The following HTR7 variants were observed in gnomAD, a reference collection of about 807,000 sequenced individuals.
HTR7 encodes the protein 5-HT-7.
Under a neutral mutation model 34.0 loss-of-function variants are expected in HTR7, and 16 were observed. That is an observed-to-expected ratio of 0.47 (90% confidence interval 0.32 to 0.71). The LOEUF (loss-of-function observed/expected upper bound fraction) is 0.71. Among genes scored for constraint, HTR7 ranks in the 30% least tolerant of loss-of-function variants. The pLI is 0.04. For synonymous variants in HTR7, 265 were observed against 260.2 expected (o/e 1.02, Z -0.18); for missense variants, 504 against 625.5 (o/e 0.81, Z 2.07).
intron 1 of HTR7, among the ~76,000 whole-genome samples, chr10:90,842,717 G>GAAAA (rs77219212): frequency 7.0e-6 from 1 of 142,692 alleles, no homozygotes; most frequent in African/African-American, 2.6e-5. Flanking sequence ...TTTATTTAGT[G>GAAAA]AAAAAAAAAA....
At chr10:90,774,796 T>C (rs1394798026) in intron 1 of HTR7, among the ~76,000 whole-genome samples, 1 of 152,220 alleles carries the variant, frequency 6.6e-6, no homozygotes, top group Non-Finnish European at 1.5e-5. Context: ...CTGACAAACT[T>C]TCTTCATAAG....
intron 1 of HTR7, among the ~76,000 whole-genome samples, chr10:90,826,169 C>T (rs1846070108): frequency 6.6e-6 from 1 of 152,046 alleles, no homozygotes; most frequent in South Asian, 2.1e-4. Context: ...TCAGTGGAAA[C>T]CTTACAGGCC....
At chr10:90,757,055 G>C (rs976293954) in intron 1 of HTR7, among the ~76,000 whole-genome samples, 1 of 152,118 alleles carries the variant, frequency 6.6e-6, no homozygotes. Flanking sequence ...GGGGATGGCA[G>C]CAAAGAAAGA....
At chr10:90,845,716 G>A (rs1312506559) in intron 1 of HTR7, among the ~76,000 whole-genome samples, 2 of 152,124 alleles carry the variant, frequency 1.3e-5, no homozygotes, top group Non-Finnish European at 2.9e-5. Context: ...AGTGTAGGTG[G>A]TGCCCCAGTG....
At chr10:90,808,587 G>C (rs12778269) in intron 1 of HTR7, among the ~76,000 whole-genome samples, 1,771 of 151,176 alleles carry the variant, frequency 0.012, 19 homozygotes, top group Middle Eastern at 0.028. Context: ...TCCATGCCCC[G>C]ACCTTGTATC....
intron 1 of HTR7, among the ~76,000 whole-genome samples, chr10:90,800,516 CAAAAGACT>C (rs1845609436): frequency 7.7e-6 from 1 of 129,280 alleles, no homozygotes; most frequent in African/African-American, 2.9e-5. Context: ...CTAGTCCTTT[CAAAAGACT>C]ACTACCTTAT....
intron 1 of HTR7, among the ~76,000 whole-genome samples, chr10:90,780,625 A>G (rs1418673137): frequency 6.6e-6 from 1 of 152,206 alleles, no homozygotes; most frequent in Non-Finnish European, 1.5e-5. Context: ...GATTAAATGA[A>G]TACACAAATA....
In HTR7 at chr10:90,817,143, G is replaced by T. The variant is rs1038444534; in HGVS notation, c.539+39990C>A. Among the ~76,000 whole-genome samples the T allele has an allele frequency of 4.6e-5, 7 of 152,272 alleles. No homozygotes were observed. The East Asian group carries it at 1.4e-3, about 29-fold the overall frequency. ...TCTGGCCAATCTTAGCCAAAAGGGG[G>T]AAAAATGAGAAATAAAAACAATTCT... On this transcript the variant is annotated intron_variant, in intron 1 of 3. Coordinates refer to ENST00000336152, the MANE Select transcript of HTR7 (RefSeq NM_019859.4).
At chr10:90,770,351 G>A (rs1400313016) in intron 1 of HTR7, among the ~76,000 whole-genome samples, 1 of 152,190 alleles carries the variant, frequency 6.6e-6, no homozygotes, top group African/African-American at 2.4e-5. Context: ...CAGGCAGAGA[G>A]GAGCCCAGAG....
intron 1 of HTR7, among the ~76,000 whole-genome samples, chr10:90,761,214 AAC>A (rs1160561427): frequency 3.9e-5 from 6 of 152,180 alleles, no homozygotes; most frequent in Non-Finnish European, 7.4e-5. Context: ...TTTTCTGCCT[AAC>A]AGTTTAGATG....
intron 1 of HTR7, among the ~76,000 whole-genome samples, chr10:90,822,908 C>G (rs115444042): frequency 0.014 from 2,088 of 152,288 alleles, 46 homozygotes; most frequent in African/African-American, 0.038. Context: ...CCAGAAGCCA[C>G]CAAGGCTTCC....
At chr10:90,855,555 GCT>G (rs1296183456) in intron 1 of HTR7, among the ~76,000 whole-genome samples, 1 of 152,226 alleles carries the variant, frequency 6.6e-6, no homozygotes, top group Non-Finnish European at 1.5e-5. Flanking sequence ...CATGCAGGAT[GCT>G]CTGTTTTGGT....
chr10:90,824,934 G>A (rs1846046430), intron 1 of HTR7, among the ~76,000 whole-genome samples: 2 of 152,248 alleles, frequency 1.3e-5, no homozygotes, highest in African/African-American at 4.8e-5. Flanking sequence ...TGAAGGGGAA[G>A]GCTGGCTGGC....
chr10:90,765,983 T>C (rs548278308), intron 1 of HTR7, among the ~76,000 whole-genome samples: 1 of 152,344 alleles, frequency 6.6e-6, no homozygotes, highest in African/African-American at 2.4e-5. Context: ...TTGAGAAGAA[T>C]GTATATTCTG....
rs554107138 is a variant in HTR7, at chr10:90,815,091, T to G, written c.539+42042A>C. Among the ~76,000 whole-genome samples the G allele has an allele frequency of 8.8e-4, 134 of 152,164 alleles. No homozygotes were observed. In the East Asian group the frequency reaches 0.014, roughly 16 times the overall value. ...AAGTTGGATTTTTTTTTTGTTTTTTTTTTTGTTTTGTTTTTTTTGAGATGT... is the reference window on the plus strand; with the variant it reads ...AAGTTGGATTTTTTTTTTGTTTTTTGTTTTGTTTTGTTTTTTTTGAGATGT... On this transcript the variant is annotated intron_variant, in intron 1 of 3. Transcript: ENST00000336152.
intron 1 of HTR7, among the ~76,000 whole-genome samples, chr10:90,814,528 G>GT (rs1243525166): frequency 3.3e-5 from 5 of 152,150 alleles, no homozygotes; most frequent in African/African-American, 1.2e-4. Flanking sequence ...AAAAGGGAGA[G>GT]TCAAAGGACT....
chr10:90,774,866 C>CG, intron 1 of HTR7, among the ~76,000 whole-genome samples: 1 of 152,238 alleles, frequency 6.6e-6, no homozygotes, highest in Admixed American at 6.5e-5. Context: ...CCACTCATAG[C>CG]GCAGTGGTAA....
At chr10:90,843,710 T>G (rs376669858) in intron 1 of HTR7, among the ~76,000 whole-genome samples, 2 of 67,434 alleles carry the variant, frequency 3.0e-5, no homozygotes, top group African/African-American at 1.8e-4. Flanking sequence ...GAAGGAAAGG[T>G]GGAAGAAAAG....
At chr10:90,819,739 G>A (rs1002152305) in intron 1 of HTR7, among the ~76,000 whole-genome samples, 1 of 151,842 alleles carries the variant, frequency 6.6e-6, no homozygotes, top group African/African-American at 2.4e-5. Context: ...ACAGACCCCA[G>A]ACCAGGAATC....
Sources: gnomAD v4.1 joint callset for allele counts (sites outside exome capture counted in the v4.1 genomes callset) on GRCh38, gnomAD v4.1.1 for gene constraint, MANE v1.5 for transcripts, NCBI Gene and HGNC (gene_info 2026-07-23, HGNC 2026-07-21) for gene names.